GSE1: variants seen among roughly 807,000 people sequenced by gnomAD.
The protein encoded by GSE1 is Gse1 coiled-coil protein.
Under a neutral mutation model 112.6 loss-of-function variants are expected in GSE1, and 32 were observed. That is an observed-to-expected ratio of 0.28 (90% confidence interval 0.21 to 0.38). The LOEUF (loss-of-function observed/expected upper bound fraction) is 0.38. Ranked by LOEUF, GSE1 falls within the 10% of genes least tolerant of loss-of-function variation. GSE1 has a pLI of 1.00. For missense variants in GSE1, 2,348 were observed against 1,699.2 expected (o/e 1.38, Z -6.71); for synonymous variants, 1,115 against 735.6 (o/e 1.52, Z -8.35).
At chr16:85,412,982 C>G (rs1356723682) in intron 2 of GSE1, among the ~76,000 whole-genome samples, 1 of 152,184 alleles carries the variant, frequency 6.6e-6, no homozygotes, top group Non-Finnish European at 1.5e-5. Context: ...TGTTCGGGTG[C>G]AGGTTATAAT....
chr16:85,672,102 G>A (rs1210942046), intron 15 of GSE1: 10 of 320,532 alleles, frequency 3.1e-5, no homozygotes, highest in Middle Eastern at 1.1e-3. Flanking sequence ...GGGTTCAAGC[G>A]ATTCTCCTGC....
intron 1 of GSE1, among the ~76,000 whole-genome samples, chr16:85,297,041 C>G (rs1298440598): frequency 6.6e-6 from 1 of 152,192 alleles, no homozygotes; most frequent in Non-Finnish European, 1.5e-5. Context: ...CTTGGGAAGT[C>G]CCAAGCCTTC....
At chr16:85,257,933 C>G (rs1488045149) in intron 1 of GSE1, among the ~76,000 whole-genome samples, 3 of 152,246 alleles carry the variant, frequency 2.0e-5, no homozygotes, top group Non-Finnish European at 4.4e-5. Context: ...GGCCCCTCAC[C>G]TGGAGATTCC....
chr16:85,285,107 G>T (rs2044979566), intron 1 of GSE1: 1 of 152,214 alleles, frequency 6.6e-6, no homozygotes, highest in Admixed American at 6.5e-5. Flanking sequence ...TTTCAAAGGG[G>T]ACAATGGCCA....
intron 14 of GSE1, 93 bp downstream of exon 14, chr16:85,668,517 C>A (rs2053070986): frequency 3.6e-6 from 3 of 841,248 alleles, no homozygotes; most frequent in Admixed American, 2.4e-5. Context: ...CTCTGCCAGC[C>A]TGGGGACTGT....
chr16:85,358,425 G>A (rs879829244), intron 2 of GSE1, among the ~76,000 whole-genome samples: 3 of 152,180 alleles, frequency 2.0e-5, no homozygotes, highest in Admixed American at 2.0e-4. Flanking sequence ...TCAAGGCTCT[G>A]TCCTGCCCCC....
chr16:85,508,150 C>T (rs2051603822), intron 2 of GSE1, among the ~76,000 whole-genome samples: 1 of 152,222 alleles, frequency 6.6e-6, no homozygotes, highest in Admixed American at 6.5e-5. Flanking sequence ...TCTCATGTCT[C>T]AGCCTCCCGA....
chr16:85,500,531 G>A (rs569244727), intron 2 of GSE1, among the ~76,000 whole-genome samples: 3 of 152,356 alleles, frequency 2.0e-5, no homozygotes, highest in African/African-American at 2.4e-5. Context: ...TGGGAACTGC[G>A]CACCAAGGGT....
chr16:85,626,169 C>T (rs564806479), intron 1 of GSE1, among the ~76,000 whole-genome samples: 1 of 152,186 alleles, frequency 6.6e-6, no homozygotes, highest in South Asian at 2.1e-4. Context: ...AAGCAGGCTG[C>T]CCCCATGTGT....
In GSE1 at chr16:85,568,791, A is replaced by C. The variant is rs539247475; in HGVS notation, c.37+12428A>C. 1.5e-3 allele frequency among the ~76,000 whole-genome samples: 231 copies of C among 152,258 alleles called. 1 individual carries two copies. Among genetic ancestry groups the C allele is most frequent in the African/African-American group, 5.3e-3 (220 of 41,552 alleles). On this transcript the variant is annotated intron_variant, in intron 1 of 2. Transcript: ENST00000635906. Reference sequence around the variant, plus strand: ...TGGGCTGGGGCCAGCTCAAGATGGGAGCAGAAATCAGAGGGTTCTTGACCC... The same window carrying C: ...TGGGCTGGGGCCAGCTCAAGATGGGCGCAGAAATCAGAGGGTTCTTGACCC...
At chr16:85,652,319 C>T (rs1018988485) in intron 3 of GSE1, among the ~76,000 whole-genome samples, 2 of 152,242 alleles carry the variant, frequency 1.3e-5, no homozygotes, top group African/African-American at 4.8e-5. Context: ...CCCACTACCC[C>T]GGTTGCTGAC....
At chr16:85,341,873 G>A (rs2046630939) in intron 1 of GSE1, among the ~76,000 whole-genome samples, 2 of 152,090 alleles carry the variant, frequency 1.3e-5, no homozygotes, top group Admixed American at 1.3e-4. Context: ...CGTGGTGATG[G>A]CTAGGGTTGG....
At chr16:85,301,059 G>T (rs1222847743) in intron 1 of GSE1, among the ~76,000 whole-genome samples, 1 of 152,146 alleles carries the variant, frequency 6.6e-6, no homozygotes, top group Non-Finnish European at 1.5e-5. Flanking sequence ...TTCCCCTGTG[G>T]TTGCACCTAC....
chr16:85,571,738 A>AGGCAGAGGCGTGGG (rs1304310919), intron 1 of GSE1, among the ~76,000 whole-genome samples: 4 of 152,202 alleles, frequency 2.6e-5, no homozygotes, highest in Non-Finnish European at 4.4e-5. Context: ...CCAGCAAGGG[A>AGGCAGAGGCGTGGG]GGCAGAGGCG....
At chr16:85,223,819 G>T (rs1258721914) in intron 1 of GSE1, among the ~76,000 whole-genome samples, 1 of 151,922 alleles carries the variant, frequency 6.6e-6, no homozygotes, top group African/African-American at 2.4e-5. Context: ...TGGCCAGGCT[G>T]GTCTCAAACT....
At chr16:85,307,571 G>A (rs2045714474) in intron 1 of GSE1, among the ~76,000 whole-genome samples, 1 of 151,834 alleles carries the variant, frequency 6.6e-6, no homozygotes, top group Non-Finnish European at 1.5e-5. Context: ...GTGGAGTCCT[G>A]GACAGTGTTA....
At chr16:85,389,774 T>G (rs1015764566) in intron 2 of GSE1, among the ~76,000 whole-genome samples, 24 of 152,186 alleles carry the variant, frequency 1.6e-4, no homozygotes, top group African/African-American at 4.3e-4. Context: ...ACTAACCCAT[T>G]GAATCCCCAC....
intron 1 of GSE1, among the ~76,000 whole-genome samples, chr16:85,349,655 A>T (rs56767580): frequency 0.031 from 4,655 of 151,890 alleles, 221 homozygotes; most frequent in African/African-American, 0.11. Context: ...TTCCCCCTAC[A>T]CTTGGCTTCG....
rs934512930 is a variant in GSE1 at position 85,665,886 on chromosome 16, T to C, written c.2759-90T>C. The C allele has an allele frequency of 3.4e-5, 43 of 1,260,286 alleles. No individual in the cohort carries two copies. In the African/African-American group the frequency reaches 4.6e-4, roughly 13 times the overall value. 78.1% of individuals were successfully genotyped at this position (1,260,286 alleles called of 1,614,324 possible). On this transcript the variant is annotated intron_variant, in intron 12 of 15. Coordinates refer to ENST00000253458, the MANE Select transcript of GSE1 (RefSeq NM_014615.5). Reference sequence around the variant, plus strand: ...TTCTTTGCGCTAGGTCTTTGTTAAGTGTAAGCTCTAGAGACCAGGATCTGC... The same window carrying C: ...TTCTTTGCGCTAGGTCTTTGTTAAGCGTAAGCTCTAGAGACCAGGATCTGC...
Sources: allele counts gnomAD v4.1 joint callset (sites outside exome capture counted in the v4.1 genomes callset), GRCh38; gene constraint gnomAD v4.1.1; transcripts MANE v1.5; gene names NCBI Gene and HGNC (gene_info 2026-07-23, HGNC 2026-07-21).